FBXL17: variants seen among roughly 807,000 people sequenced by gnomAD.
FBXL17 encodes the protein F-box/LRR-repeat protein 17.
In FBXL17, 22 loss-of-function variants were observed where a neutral mutation model predicts 66.2. The observed-to-expected ratio is 0.33, with a 90% CI of 0.24 to 0.47. FBXL17 has a LOEUF of 0.47. Among genes scored for constraint, FBXL17 ranks in the 20% least tolerant of loss-of-function variants. The probability of loss-of-function intolerance (pLI) is 1.00; values close to 1 mark genes in which losing one functional copy is unlikely to be tolerated. For synonymous variants in FBXL17, 474 were observed against 400.5 expected (o/e 1.18, Z -2.19); for missense variants, 878 against 948.2 (o/e 0.93, Z 0.97).
At chr5:108,189,320 ATGGG>A (rs1190358684) in intron 5 of FBXL17, among the ~76,000 whole-genome samples, 12 of 137,044 alleles carry the variant, frequency 8.8e-5, no homozygotes, top group Non-Finnish European at 1.6e-5. Context: ...ATGGGATGGG[ATGGG>A]ATGGGATGGG....
At chr5:108,025,094 T>C (rs1754750092) in intron 6 of FBXL17, among the ~76,000 whole-genome samples, 2 of 152,206 alleles carry the variant, frequency 1.3e-5, no homozygotes, top group Non-Finnish European at 2.9e-5. Flanking sequence ...ATGGCATTAG[T>C]GACAATTGAA....
At chr5:107,962,269 C>T (rs1271313543) in intron 7 of FBXL17, among the ~76,000 whole-genome samples, 2 of 151,998 alleles carry the variant, frequency 1.3e-5, no homozygotes, top group African/African-American at 2.4e-5. Flanking sequence ...ATTATTTAAA[C>T]CTATAAAATG....
chr5:108,013,420 A>G (rs998118708), intron 7 of FBXL17, among the ~76,000 whole-genome samples: 14 of 152,332 alleles, frequency 9.2e-5, no homozygotes, highest in African/African-American at 3.1e-4. Context: ...AAAAGCATCC[A>G]TTCAGACACC....
Position 108,380,848 on chromosome 5 carries a change from CG to C in FBXL17, c.843del (p.Gly283AlafsTer75). ...TGGGCGGACAAGGGGGCGGTGCCCC[CG>C]GCTCGGACAGCGTCCCCGCCAGCTT... Reference protein sequence around the residue: ...PTEAGGDAVRAGGTAPLSAQQ... With the variant: ...PTEAGGDAVRXGGTAPLSAQQ... On this transcript the variant is annotated frameshift_variant, in exon 1 of 9. Transcript: ENST00000542267. LOFTEE classifies it high-confidence loss of function. 1 of 1,246,624 alleles carries C rather than the reference CG, an allele frequency of 8.0e-7. No individual in the cohort carries two copies. The highest frequency in any genetic ancestry group is 1.0e-6 in the Non-Finnish European group (1 of 988,116). The allele number at this position is 1,246,624 out of a possible 1,614,324, so 77.2% of individuals were successfully genotyped here.
intron 4 of FBXL17, among the ~76,000 whole-genome samples, chr5:108,257,120 A>C (rs1756609801): frequency 6.6e-6 from 1 of 152,204 alleles, no homozygotes; most frequent in Non-Finnish European, 1.5e-5. Flanking sequence ...ATGTTACAGA[A>C]CTTAACACTG....
intron 6 of FBXL17, among the ~76,000 whole-genome samples, chr5:108,037,325 T>C (rs1376167143): frequency 6.6e-6 from 1 of 152,216 alleles, no homozygotes; most frequent in Non-Finnish European, 1.5e-5. Context: ...GTAAATTTAC[T>C]TTCCATGAAA....
intron 5 of FBXL17, among the ~76,000 whole-genome samples, chr5:108,206,353 C>T (rs1056766610): frequency 3.9e-5 from 6 of 152,248 alleles, no homozygotes; most frequent in East Asian, 1.9e-4. Flanking sequence ...ATGACCAATG[C>T]GCTTTTCTTT....
intron 1 of FBXL17, among the ~76,000 whole-genome samples, chr5:108,371,685 A>G (rs1335074990): frequency 6.6e-6 from 1 of 152,254 alleles, no homozygotes; most frequent in Admixed American, 6.5e-5. Flanking sequence ...AGAACCAAAT[A>G]GAAATGTCTC....
At chr5:108,297,854 T>C (rs1001704704) in intron 4 of FBXL17, 6 of 882,220 alleles carry the variant, frequency 6.8e-6, no homozygotes, top group Non-Finnish European at 8.2e-6. Flanking sequence ...ATTCCTTTGG[T>C]AGAAATACAG....
chr5:108,120,941 A>G (rs982450507), intron 6 of FBXL17, among the ~76,000 whole-genome samples: 10 of 152,218 alleles, frequency 6.6e-5, no homozygotes, highest in Admixed American at 6.5e-4. Context: ...AGAACCAAAA[A>G]CAGAACAAAG....
intron 7 of FBXL17, among the ~76,000 whole-genome samples, chr5:108,007,406 TC>T (rs1293095229): frequency 2.0e-5 from 3 of 152,094 alleles, no homozygotes; most frequent in African/African-American, 7.2e-5. Flanking sequence ...TATATTACAA[TC>T]ACAAGCTGGA....
chr5:108,295,612 T>A (rs1200884886), intron 4 of FBXL17, among the ~76,000 whole-genome samples: 1 of 151,966 alleles, frequency 6.6e-6, no homozygotes, highest in African/African-American at 2.4e-5. Flanking sequence ...ACAAATCAGT[T>A]ACTGTTTTCA....
chr5:108,330,978 AGGAGGCGGAGGCTGCAATGAGCC>A (rs2150237057), intron 4 of FBXL17, among the ~76,000 whole-genome samples: 1 of 152,218 alleles, frequency 6.6e-6, no homozygotes, highest in East Asian at 1.9e-4. Flanking sequence ...GCTTGAACCC[AGGAGGCGGAGGCTGCAATGAGCC>A]GAGACTGCGC....
intron 4 of FBXL17, among the ~76,000 whole-genome samples, chr5:108,233,543 T>A (rs753734252): frequency 1.8e-4 from 28 of 152,180 alleles, no homozygotes; most frequent in Non-Finnish European, 3.8e-4. Flanking sequence ...ATTTTGATCT[T>A]TCAGTCAGTC....
intron 7 of FBXL17, among the ~76,000 whole-genome samples, chr5:108,014,009 C>T (rs1367794177): frequency 2.6e-5 from 4 of 152,028 alleles, no homozygotes; most frequent in African/African-American, 7.2e-5. Context: ...TACTGATAAT[C>T]GTCAATAATA....
intron 7 of FBXL17, among the ~76,000 whole-genome samples, chr5:107,969,695 A>G (rs927621139): frequency 6.6e-6 from 1 of 152,196 alleles, no homozygotes; most frequent in Non-Finnish European, 1.5e-5. Context: ...CACTGATATT[A>G]GACAAGGGAA....
chr5:108,285,991 G>C (rs574995939), intron 4 of FBXL17, among the ~76,000 whole-genome samples: 2 of 151,924 alleles, frequency 1.3e-5, no homozygotes, highest in East Asian at 3.9e-4. Flanking sequence ...GGCTCGACAT[G>C]CATGTCAATA....
At chr5:108,230,485 T>A (rs890747784) in intron 4 of FBXL17, among the ~76,000 whole-genome samples, 2 of 152,046 alleles carry the variant, frequency 1.3e-5, no homozygotes, top group Non-Finnish European at 2.9e-5. Flanking sequence ...AAAACAAACA[T>A]CATATGTTCT....
At chr5:108,170,445 A>C (rs1752565204) in intron 6 of FBXL17, among the ~76,000 whole-genome samples, 2 of 152,244 alleles carry the variant, frequency 1.3e-5, no homozygotes, top group Non-Finnish European at 2.9e-5. Flanking sequence ...TTTCAAAAAT[A>C]AAGATTCCCA....
Sources: gnomAD v4.1 joint callset for allele counts (sites outside exome capture counted in the v4.1 genomes callset) on GRCh38, gnomAD v4.1.1 for gene constraint, MANE v1.5 for transcripts, NCBI Gene and HGNC (gene_info 2026-07-23, HGNC 2026-07-21) for gene names.